Variants in GART observed in about 807,000 individuals in gnomAD.
The protein encoded by GART is phosphoribosylglycinamide formyltransferase, phosphoribosylglycinamide synthetase, phosphoribosylaminoimidazole synthetase, also known as trifunctional purine biosynthetic protein adenosine-3.
A neutral mutation model predicts 107.2 loss-of-function variants in GART; 43 were observed. The ratio of observed to expected loss-of-function variants is 0.40; its 90% CI spans 0.31 to 0.52. The LOEUF (loss-of-function observed/expected upper bound fraction) is 0.52. GART is among the 20% of genes least tolerant of loss of function. The probability of loss-of-function intolerance (pLI) is 0.52; values close to 1 mark genes in which losing one functional copy is unlikely to be tolerated. For synonymous variants in GART, 434 were observed against 427.0 expected, an observed-to-expected ratio of 1.02 and a Z score of -0.20; for missense variants, 1,107 against 1,206.5, an observed-to-expected ratio of 0.92 and a Z score of 1.22.
At chr21:33,532,658 G>C (rs1326439675) in intron 4 of GART, among the ~76,000 whole-genome samples, 38 of 152,160 alleles carry the variant, frequency 2.5e-4, no homozygotes. Context: ...CAATCATACA[G>C]TACCTACAAT....
At chr21:33,540,307 G>T (rs1220673680) in intron 1 of GART, among the ~76,000 whole-genome samples, 1 of 152,174 alleles carries the variant, frequency 6.6e-6, no homozygotes, top group South Asian at 2.1e-4. Context: ...ACAAATAAAC[G>T]TGACTCGCTT....
intron 18 of GART, among the ~76,000 whole-genome samples, chr21:33,507,583 G>T (rs1040797141): frequency 6.6e-6 from 1 of 152,188 alleles, no homozygotes; most frequent in Non-Finnish European, 1.5e-5. Context: ...CACTTTGGGA[G>T]GCCAAGGCAG....
At chr21:33,537,141 G>C (rs1187872250) in intron 2 of GART, among the ~76,000 whole-genome samples, 1 of 152,144 alleles carries the variant, frequency 6.6e-6, no homozygotes, top group African/African-American at 2.4e-5. Context: ...CTCTTTAGTA[G>C]TCTTACAAGA....
At chr21:33,538,338 T>C (rs892401279) in intron 2 of GART, among the ~76,000 whole-genome samples, 4 of 151,664 alleles carry the variant, frequency 2.6e-5, no homozygotes, top group African/African-American at 9.7e-5. Context: ...CAGGTTCTCA[T>C]CTTACTCTGT....
At chr21:33,525,933 A>C (rs1211793891) in intron 10 of GART, among the ~76,000 whole-genome samples, 1 of 145,124 alleles carries the variant, frequency 6.9e-6, no homozygotes, top group African/African-American at 2.6e-5. Context: ...GCAGTGGTGC[A>C]ATCTTGGCTC....
intron 5 of GART, 200 bp downstream of exon 5, chr21:33,532,143 TAA>T: frequency 1.9e-6 from 1 of 531,876 alleles, no homozygotes; most frequent in South Asian, 2.5e-5. Flanking sequence ...TACTTCAAAA[TAA>T]TACAATCATG....
chr21:33,518,287 G>A (rs992233192), intron 14 of GART, among the ~76,000 whole-genome samples: 1 of 152,056 alleles, frequency 6.6e-6, no homozygotes, highest in Admixed American at 6.5e-5. Flanking sequence ...AGACTATCCC[G>A]GCCAACATGG....
chr21:33,525,072 T>A (rs1322720314), intron 10 of GART, 72 bp from the exon 11 acceptor site: 1 of 1,482,146 alleles, frequency 6.7e-7, no homozygotes, highest in Non-Finnish European at 8.9e-7. Context: ...GATTTACGAT[T>A]TCCACAAGTT....
intron 10 of GART, among the ~76,000 whole-genome samples, chr21:33,526,823 T>C (rs1188128460): frequency 6.6e-6 from 1 of 152,228 alleles, no homozygotes; most frequent in Non-Finnish European, 1.5e-5. Context: ...TATGTAAAGA[T>C]AACACTTTTT....
At chr21:33,506,196 T>C in intron 18 of GART, 92 bp from the exon 19 acceptor site, 1 of 1,422,984 alleles carries the variant, frequency 7.0e-7, no homozygotes, top group South Asian at 1.4e-5. Flanking sequence ...AGGCTAGGAG[T>C]GCAGTGCCAC....
chr21:33,520,574 C>A lies in GART; in HGVS notation c.1504-12G>T, dbSNP rs1430799471. 1.2e-6 allele frequency: 2 copies of A among 1,606,116 alleles called. No homozygotes were observed. Among genetic ancestry groups the A allele is most frequent in the Non-Finnish European group, 1.7e-6 (2 of 1,173,294 alleles). On this transcript the variant is annotated splice_polypyrimidine_tract_variant and intron_variant, in intron 13 of 21. Transcript: ENST00000381815. ...CATAGCTGGGCAATCTATGTAAGAA[C>A]AATATAAACATCCACATTAGGGAAT... is the stretch of plus-strand genomic sequence containing the variant.
chr21:33,532,272 C>A (rs2085206645), intron 5 of GART, 73 bp downstream of exon 5: 1 of 1,058,518 alleles, frequency 9.4e-7, no homozygotes, highest in Non-Finnish European at 1.4e-6. Context: ...TTGTGAGGAA[C>A]ATTTTTTAAA....
At chr21:33,517,259 AT>A in intron 15 of GART, 97 bp downstream of exon 15, 14 of 1,566,814 alleles carry the variant, frequency 8.9e-6, no homozygotes, top group Non-Finnish European at 1.2e-5. Flanking sequence ...AACCAAGGTA[AT>A]TCATTCCCTT....
chr21:33,525,632 T>C (rs551518787), intron 10 of GART, among the ~76,000 whole-genome samples: 15 of 151,986 alleles, frequency 9.9e-5, no homozygotes, highest in Non-Finnish European at 1.6e-4. Context: ...GGTTTGAAAA[T>C]GTTGGCCAGG....
intron 7 of GART, among the ~76,000 whole-genome samples, chr21:33,529,928 C>T (rs911856465): frequency 2.6e-4 from 39 of 152,184 alleles, no homozygotes; most frequent in African/African-American, 8.7e-4. Context: ...GGCATGGTAG[C>T]TCACGCCTGT....
chr21:33,525,734 C>T (rs1244479384), intron 10 of GART, among the ~76,000 whole-genome samples: 5 of 152,056 alleles, frequency 3.3e-5, no homozygotes, highest in East Asian at 3.9e-4. Flanking sequence ...TAAGAACTGT[C>T]TGCTATTTTA....
chr21:33,515,652 C>CAAAAAAAAAAAAAAAAAAAAAAAA (rs71194850), intron 16 of GART, among the ~76,000 whole-genome samples: 9 of 35,854 alleles, frequency 2.5e-4, no homozygotes, highest in African/African-American at 3.9e-4. Flanking sequence ...GACTCCAACT[C>CAAAAAAAAAAAAAAAAAAAAAAAA]AAAAAAAAAA....
intron 1 of GART, among the ~76,000 whole-genome samples, chr21:33,541,836 GAC>G (rs1569041695): frequency 1.3e-5 from 2 of 152,096 alleles, no homozygotes; most frequent in African/African-American, 4.8e-5. Context: ...AATGTATAAA[GAC>G]ACAAAAAGGC....
intron 4 of GART, among the ~76,000 whole-genome samples, chr21:33,533,235 C>G (rs1355842484): frequency 4.0e-5 from 6 of 150,286 alleles, no homozygotes; most frequent in Non-Finnish European, 7.4e-5. Flanking sequence ...GTCAGGAGAT[C>G]GAGACCATCC....
Sources: allele counts gnomAD v4.1 joint callset (sites outside exome capture counted in the v4.1 genomes callset), GRCh38; gene constraint gnomAD v4.1.1; transcripts MANE v1.5; gene names NCBI Gene and HGNC (gene_info 2026-07-23, HGNC 2026-07-21).